Variants in COL4A4 observed in about 807,000 individuals in gnomAD.
COL4A4 encodes collagen type IV alpha 4 chain, also known as collagen alpha-4(IV) chain.
In COL4A4, 105 loss-of-function variants were observed where a neutral mutation model predicts 192.9. The observed-to-expected ratio is 0.54, with a 90% CI of 0.46 to 0.64. COL4A4 has a LOEUF of 0.64. Ranked by LOEUF, COL4A4 falls within the 30% of genes least tolerant of loss-of-function variation. The probability of loss-of-function intolerance (pLI) is 0.00; values close to 1 mark genes in which losing one functional copy is unlikely to be tolerated. For synonymous variants in COL4A4, 762 were observed against 769.9 expected (o/e 0.99, Z 0.17); for missense variants, 1,967 against 2,169.3 (o/e 0.91, Z 1.85).
intron 46 of COL4A4, among the ~76,000 whole-genome samples, chr2:227,008,761 T>A (rs1962788145): frequency 6.6e-6 from 1 of 152,180 alleles, no homozygotes; most frequent in African/African-American, 2.4e-5. Flanking sequence ...TCAAAAGAGA[T>A]ATACCGTCAG....
chr2:227,046,985 G>A (rs1485621968), intron 35 of COL4A4, among the ~76,000 whole-genome samples: 1 of 151,996 alleles, frequency 6.6e-6, no homozygotes, highest in Admixed American at 6.5e-5. Context: ...TTGATTTTTA[G>A]TAAATTAAAA....
rs1258564025 is a variant in COL4A4 at position 227,027,913 on chromosome 2, G to A, written c.4070C>T (p.Thr1357Ile). The A allele has an allele frequency of 1.2e-6, 2 of 1,612,136 alleles. No homozygotes were observed. The highest frequency in any genetic ancestry group is 3.3e-5 in the Admixed American group (2 of 60,006). ...LPGPPGRKGP[T>I]GLPGPRGEPG... ...GGTTGGAAGCTCACCCGGAAGACCAGTGGGCCCTTTTCTCCCTGGAGGTCC... is the reference window on the plus strand; with the variant it reads ...GGTTGGAAGCTCACCCGGAAGACCAATGGGCCCTTTTCTCCCTGGAGGTCC... Residue 1357 changes from threonine (T) to isoleucine (I), a missense_variant, in exon 42 of 48, where the codon ACT (threonine) becomes ATT (isoleucine). Physicochemically the swap from Thr to Ile is moderately conservative, Grantham distance 89. Coordinates refer to ENST00000396625, the MANE Select transcript of COL4A4 (RefSeq NM_000092.5).
intron 35 of COL4A4, among the ~76,000 whole-genome samples, chr2:227,044,775 G>A (rs746645821): frequency 6.6e-6 from 1 of 152,118 alleles, no homozygotes. Context: ...GCAGATTCAT[G>A]CCTTCTCATG....
intron 20 of COL4A4, among the ~76,000 whole-genome samples, chr2:227,090,830 G>A: frequency 6.7e-6 from 1 of 148,872 alleles, no homozygotes; most frequent in African/African-American, 2.5e-5. Flanking sequence ...AGGAAAAAGG[G>A]AGAGGAACCA....
intron 37 of COL4A4, among the ~76,000 whole-genome samples, chr2:227,037,967 G>A (rs1970027145): frequency 6.6e-6 from 1 of 152,098 alleles, no homozygotes; most frequent in Non-Finnish European, 1.5e-5. Flanking sequence ...TGAATTCCTT[G>A]TAGATTGTCA....
chr2:227,020,669 TGA>T (rs1491090556), intron 44 of COL4A4, among the ~76,000 whole-genome samples: 1 of 151,364 alleles, frequency 6.6e-6, no homozygotes, highest in African/African-American at 2.5e-5. Context: ...AGTGGGGCAG[TGA>T]GGGGGGGTGA....
intron 1 of COL4A4, among the ~76,000 whole-genome samples, chr2:227,157,116 T>C (rs1211505949): frequency 1.3e-5 from 2 of 152,146 alleles, no homozygotes; most frequent in African/African-American, 2.4e-5. Flanking sequence ...TTCAAAAGAC[T>C]GAAATCTTGC....
rs2125000237 is a variant in COL4A4 at position 227,118,705 on chromosome 2, G to A, written c.429C>T (p.Gly143=). The A allele has an allele frequency of 6.2e-7, 1 of 1,614,024 alleles. No individual in the cohort carries two copies. Among genetic ancestry groups the A allele is most frequent in the Non-Finnish European group, 8.5e-7 (1 of 1,180,006 alleles). ...CTGGAAACCCTGGGTCACCTCTTGA[G>A]CCATTGTGGCCACTCATACCAGGTT... The part of the protein sequence containing the change: ...RGKPGMSGHN[G]SRGDPGFPGG... The change falls in exon 7 of 48, where the codon GGC becomes GGT. Residue 143 remains glycine (G), a synonymous_variant. Coordinates refer to ENST00000396625, the MANE Select transcript of COL4A4 (RefSeq NM_000092.5).
intron 4 of COL4A4, among the ~76,000 whole-genome samples, chr2:227,138,637 CAA>C (rs67330769): frequency 7.2e-4 from 92 of 128,024 alleles, no homozygotes; most frequent in Non-Finnish European, 6.2e-4. Context: ...TGTCTCAAAA[CAA>C]AAAAAAAAAA....
intron 1 of COL4A4, among the ~76,000 whole-genome samples, chr2:227,155,506 C>T (rs1408303741): frequency 6.6e-6 from 1 of 152,200 alleles, no homozygotes; most frequent in Non-Finnish European, 1.5e-5. Flanking sequence ...ATTGTCAAGT[C>T]TCTTGCCAAA....
chr2:227,051,021 C>T lies in COL4A4; in HGVS notation c.3106G>A (p.Gly1036Ser). 1 of 1,614,194 alleles carries T rather than the reference C, an allele frequency of 6.2e-7. No homozygotes were observed. The highest frequency in any genetic ancestry group is 8.5e-7 in the Non-Finnish European group (1 of 1,180,026). Residue 1036 changes from glycine to serine, a missense_variant, in exon 33 of 48, where the codon GGT becomes AGT. Physicochemically the swap from Gly to Ser is moderately conservative, Grantham distance 56 (BLOSUM62 0). Coordinates refer to ENST00000396625, the MANE Select transcript of COL4A4 (RefSeq NM_000092.5). ...GGAAAACCAATGAACCCTCTTAGAC[C>T]AGTTGAGCCTGGAGGGCCTGGGGGT... The part of the protein sequence containing the change: ...PGPPGPPGST[G>S]LRGFIGFPGL...
chr2:227,056,090 C>A lies in COL4A4; in HGVS notation c.2571G>T (p.Pro857=). Residue 857 remains proline, a synonymous_variant, in exon 30 of 48, where the codon CCG becomes CCT. Coordinates refer to ENST00000396625, the MANE Select transcript of COL4A4 (RefSeq NM_000092.5). ...SPGAPGGKGQ[P]GDVGPPGPAG... ...CTGGCCCGGGAGGCCCCACATCTCC[C>A]GGCTGTCCTTTCCCACCTGGAGCAC... The A allele has an allele frequency of 6.2e-7, 1 of 1,614,078 alleles. No homozygotes were observed. Among genetic ancestry groups the A allele is most frequent in the Non-Finnish European group, 8.5e-7 (1 of 1,180,016 alleles).
chr2:226,993,995 C>T, the COL4A4 span, among the ~76,000 whole-genome samples: 1 of 152,226 alleles, frequency 6.6e-6, no homozygotes, highest in African/African-American at 2.4e-5. Flanking sequence ...CCCACCCTCC[C>T]TTCCCAGCCA....
intron 31 of COL4A4, 96 bp downstream of exon 31, chr2:227,054,498 T>G (rs1253722542): frequency 5.3e-5 from 75 of 1,408,668 alleles, no homozygotes; most frequent in Non-Finnish European, 7.3e-5. Context: ...AATCCAAGCT[T>G]CAGACAAGTC....
intron 4 of COL4A4, among the ~76,000 whole-genome samples, chr2:227,135,567 G>A (rs994305573): frequency 5.3e-5 from 8 of 152,102 alleles, no homozygotes; most frequent in Non-Finnish European, 1.0e-4. Flanking sequence ...TTGGGTATGG[G>A]AGATCCCCCT....
At chr2:227,137,021 T>C (rs1300969780) in intron 4 of COL4A4, among the ~76,000 whole-genome samples, 2 of 152,134 alleles carry the variant, frequency 1.3e-5, no homozygotes, top group African/African-American at 4.8e-5. Flanking sequence ...CTGGAAGATG[T>C]CACAACGACT....
At chr2:227,064,875 T>C (rs1175444754) in intron 25 of COL4A4, among the ~76,000 whole-genome samples, 1 of 152,058 alleles carries the variant, frequency 6.6e-6, no homozygotes, top group Non-Finnish European at 1.5e-5. Flanking sequence ...CTACAAGAAA[T>C]GCTAAAAGGG....
intron 7 of COL4A4, 70 bp downstream of exon 7, chr2:227,118,575 C>T: frequency 1.7e-6 from 2 of 1,159,008 alleles, no homozygotes; most frequent in Non-Finnish European, 2.6e-6. Flanking sequence ...TTCTTGAATA[C>T]ATCAAGCCTG....
intron 35 of COL4A4, among the ~76,000 whole-genome samples, chr2:227,045,967 T>TGTATATATGTATA (rs1559489776): frequency 5.8e-5 from 2 of 34,406 alleles, no homozygotes; most frequent in African/African-American, 1.4e-4. Context: ...ATGTATATAT[T>TGTATATATGTATA]TATATGTGTA....
Sources: gnomAD v4.1 joint callset for allele counts (sites outside exome capture counted in the v4.1 genomes callset) on GRCh38, gnomAD v4.1.1 for gene constraint, MANE v1.5 for transcripts, NCBI Gene and HGNC (gene_info 2026-07-23, HGNC 2026-07-21) for gene names.